CPO: variants seen among roughly 807,000 people sequenced by gnomAD.
CPO encodes metallocarboxypeptidase C.
In CPO, 43 loss-of-function variants were observed where a neutral mutation model predicts 41.2. That is an observed-to-expected ratio of 1.04 (90% CI 0.82 to 1.35). CPO has a LOEUF of 1.35. Among genes scored for constraint, CPO ranks in the 40% most tolerant of loss-of-function variants. The pLI, the probability that CPO is intolerant of heterozygous loss-of-function variation, is 0.00. For missense variants in CPO, 408 were observed against 451.7 expected (o/e 0.90, Z 0.88); for synonymous variants, 178 against 162.7 (o/e 1.09, Z -0.72).
At chr2:206,952,569 G>T (rs1003393880) in intron 2 of CPO, among the ~76,000 whole-genome samples, 1 of 152,162 alleles carries the variant, frequency 6.6e-6, no homozygotes, top group East Asian at 1.9e-4. Context: ...CCCAAATTAC[G>T]GACTTCCAGA....
At chr2:206,948,629 G>A (rs938759186) in intron 1 of CPO, among the ~76,000 whole-genome samples, 1 of 152,086 alleles carries the variant, frequency 6.6e-6, no homozygotes, top group Non-Finnish European at 1.5e-5. Flanking sequence ...GAGTGTAGTG[G>A]CTGGGACCTG....
chr2:206,945,967 T>A (rs544222859), intron 1 of CPO, among the ~76,000 whole-genome samples: 112 of 146,092 alleles, frequency 7.7e-4, no homozygotes, highest in African/African-American at 2.5e-3. Flanking sequence ...TAAAAAAATT[T>A]TTTTAAATTA....
intron 2 of CPO, among the ~76,000 whole-genome samples, chr2:206,952,376 G>A (rs1693281491): frequency 6.6e-6 from 1 of 152,024 alleles, no homozygotes; most frequent in Non-Finnish European, 1.5e-5. Context: ...GCCTCCCAAA[G>A]TGCTGGGATT....
intron 1 of CPO, among the ~76,000 whole-genome samples, chr2:206,941,740 ATAATCT>A (rs1308863670): frequency 6.6e-6 from 1 of 152,172 alleles, no homozygotes; most frequent in Non-Finnish European, 1.5e-5. Flanking sequence ...GCAATTTTTG[ATAATCT>A]TTATTCACTA....
chr2:206,958,443 C>A (rs1693414408), intron 4 of CPO, 38 bp downstream of exon 4: 3 of 1,127,082 alleles, frequency 2.7e-6, no homozygotes, highest in African/African-American at 1.6e-5. Context: ...GTAAATCACC[C>A]CCATAAAATA....
chr2:206,957,966 A>G (rs1404835207), intron 3 of CPO, among the ~76,000 whole-genome samples: 1 of 152,224 alleles, frequency 6.6e-6, no homozygotes, highest in Non-Finnish European at 1.5e-5. Context: ...AGGTTTATCC[A>G]TATTTAGCCT....
chr2:206,953,845 T>C (rs1693311108), intron 2 of CPO, among the ~76,000 whole-genome samples: 1 of 152,218 alleles, frequency 6.6e-6, no homozygotes, highest in Admixed American at 6.5e-5. Context: ...GAAATCTAGG[T>C]GGAGGTTCCC....
chr2:206,953,764 A>T (rs1370824145), intron 2 of CPO, among the ~76,000 whole-genome samples: 1 of 152,176 alleles, frequency 6.6e-6, no homozygotes, highest in Non-Finnish European at 1.5e-5. Context: ...TTCTTCATGA[A>T]GTTCTTCATG....
chr2:206,967,835 A>G lies in CPO; in HGVS notation c.778-428A>G, dbSNP rs1200450712. ...TCATGATCACAGCTGTATGCTACCA[A>G]ATTTCATCTGGAAGCCAGGTGGGAT... is the stretch of plus-strand genomic sequence containing the variant. On this transcript the variant is annotated intron_variant, in intron 7 of 8. Transcript: ENST00000272852. Among the ~76,000 whole-genome samples, 5 of 152,308 alleles carry G rather than the reference A, an allele frequency of 3.3e-5. No homozygotes were observed. The East Asian group carries it at 9.6e-4, about 29-fold the overall frequency.
intron 2 of CPO, among the ~76,000 whole-genome samples, chr2:206,954,160 G>A (rs1693316488): frequency 6.6e-6 from 1 of 152,148 alleles, no homozygotes; most frequent in African/African-American, 2.4e-5. Flanking sequence ...ATTAATAATT[G>A]ACTCCTCATT....
chr2:206,956,625 C>G (rs1693371972), intron 3 of CPO, among the ~76,000 whole-genome samples: 1 of 152,202 alleles, frequency 6.6e-6, no homozygotes, highest in Non-Finnish European at 1.5e-5. Flanking sequence ...GGCTGAGAAG[C>G]GATACCACAG....
chr2:206,962,908 A>C (rs1407562667), intron 7 of CPO, among the ~76,000 whole-genome samples: 1 of 152,238 alleles, frequency 6.6e-6, no homozygotes, highest in African/African-American at 2.4e-5. Context: ...ATCTGCAGGA[A>C]TGCACTTTCA....
At chr2:206,956,434 C>T (rs992684517) in intron 3 of CPO, among the ~76,000 whole-genome samples, 2 of 152,102 alleles carry the variant, frequency 1.3e-5, no homozygotes, top group African/African-American at 4.8e-5. Context: ...GCAGCAGCAG[C>T]ATCACCACCT....
intron 1 of CPO, among the ~76,000 whole-genome samples, chr2:206,949,170 A>G (rs1354554959): frequency 6.6e-6 from 1 of 152,128 alleles, no homozygotes; most frequent in Non-Finnish European, 1.5e-5. Context: ...AAGCCCTAAT[A>G]ACACTTCCCT....
At chr2:206,967,036 T>C (rs1693587281) in intron 7 of CPO, among the ~76,000 whole-genome samples, 1 of 152,054 alleles carries the variant, frequency 6.6e-6, no homozygotes, top group South Asian at 2.1e-4. Flanking sequence ...CTGGTGCACC[T>C]GGAGTGCAGT....
In CPO at chr2:206,962,601, A is replaced by C. The variant is rs1693502509; in HGVS notation, c.764A>C (p.Asn255Thr). The change falls in exon 7 of 9, where the codon AAC becomes ACC. Residue 255 changes from asparagine (N) to threonine (T), a missense_variant. Asn to Thr is a moderately conservative substitution (Grantham distance 65). Transcript: ENST00000272852. The stretch of plus-strand genomic sequence containing the variant: ...GGCTACACCAAAAATAAATCAAGTA[A>C]CCACCCAGAAATGGTGAGTCCATAG... Reference protein sequence around the residue: ...PYGYTKNKSSNHPEMIQVGQK... With the variant: ...PYGYTKNKSSTHPEMIQVGQK... 4 of 1,613,908 alleles carry C rather than the reference A, an allele frequency of 2.5e-6. No homozygotes were observed. In the African/African-American group the frequency reaches 5.3e-5, roughly 22 times the overall value.
chr2:206,955,487 A>G lies in CPO; in HGVS notation c.190A>G (p.Ser64Gly). ...GEIYEWMREI[S>G]EKYKEVVTQH... is the part of the protein sequence containing the mutation. ...GATCTATGAGTGGATGAGAGAGATCAGTGAGAAGTACAAGGAAGTGGTGAC... is the reference window on the plus strand; with the variant it reads ...GATCTATGAGTGGATGAGAGAGATCGGTGAGAAGTACAAGGAAGTGGTGAC... The change falls in exon 3 of 9, where the codon AGT becomes GGT. Residue 64 changes from serine (S) to glycine (G), a missense_variant. By Grantham distance (56) the Ser-to-Gly change is moderately conservative. Transcript: ENST00000272852. 1 of 1,610,224 alleles carries G rather than the reference A, an allele frequency of 6.2e-7. No homozygotes were observed. The highest frequency in any genetic ancestry group is 8.5e-7 in the Non-Finnish European group (1 of 1,176,334).
intron 2 of CPO, among the ~76,000 whole-genome samples, chr2:206,954,276 C>G (rs977028629): frequency 1.3e-5 from 2 of 152,108 alleles, no homozygotes; most frequent in African/African-American, 2.4e-5. Context: ...TATGCTCTGT[C>G]CCCTCGTGAA....
intron 2 of CPO, 68 bp from the exon 3 acceptor site, chr2:206,955,395 G>T (rs1693338496): frequency 2.3e-6 from 2 of 888,584 alleles, no homozygotes; most frequent in Non-Finnish European, 3.9e-6. Flanking sequence ...GAAAGAAGCA[G>T]TTATCTTAAT....
Sources: gnomAD v4.1 joint callset for allele counts (sites outside exome capture counted in the v4.1 genomes callset) on GRCh38, gnomAD v4.1.1 for gene constraint, MANE v1.5 for transcripts, NCBI Gene and HGNC (gene_info 2026-07-23, HGNC 2026-07-21) for gene names.